The following KCNK5 variants were observed in gnomAD, a reference collection of about 807,000 sequenced individuals.
KCNK5 encodes the protein potassium channel subfamily K member 5.
KCNK5 carries 18 observed loss-of-function variants against 32.9 expected under a neutral mutation model. That is an observed-to-expected ratio of 0.55 (90% CI 0.38 to 0.81). The LOEUF is 0.81. KCNK5 is among the 30% of genes least tolerant of loss of function. The probability of loss-of-function intolerance (pLI) is 0.00; values close to 1 mark genes in which losing one functional copy is unlikely to be tolerated. For synonymous variants in KCNK5, 276 were observed against 275.3 expected, an observed-to-expected ratio of 1.00 and a Z score of -0.03; for missense variants, 507 against 651.0, an observed-to-expected ratio of 0.78 and a Z score of 2.41.
chr6:39,210,743 C>T (rs1269044692), intron 1 of KCNK5, among the ~76,000 whole-genome samples: 2 of 152,132 alleles, frequency 1.3e-5, no homozygotes, highest in African/African-American at 4.8e-5. Context: ...GAAAGAGGGA[C>T]ATGACAGCAG....
chr6:39,205,961 C>T (rs943483624), intron 1 of KCNK5, among the ~76,000 whole-genome samples: 4 of 152,222 alleles, frequency 2.6e-5, no homozygotes, highest in African/African-American at 9.6e-5. Context: ...ACCAAAACCC[C>T]ACATTCATCA....
chr6:39,202,911 C>T (rs1035606077), intron 1 of KCNK5, among the ~76,000 whole-genome samples: 3 of 152,204 alleles, frequency 2.0e-5, no homozygotes, highest in African/African-American at 7.2e-5. Context: ...AACTCAGCCT[C>T]TCAGCCTTAC....
chr6:39,200,962 C>T (rs2815105), intron 1 of KCNK5, among the ~76,000 whole-genome samples: 41,230 of 152,070 alleles, frequency 0.27, 5,873 homozygotes, highest in East Asian at 0.55. Flanking sequence ...TTCCCCTTTA[C>T]GGGGTGGGGT....
Position 39,189,264 on chromosome 6 carries a change from A to T in KCNK5, c.*1626T>A, listed in dbSNP as rs1770875695. 6.6e-6 allele frequency: 1 copy of T among 152,190 alleles called. No homozygotes were observed. The highest frequency in any genetic ancestry group is 2.4e-5 in the African/African-American group (1 of 41,456). The allele number at this position is 152,190 out of a possible 1,614,324, so 9.4% of individuals were successfully genotyped here. On this transcript the variant is annotated 3_prime_UTR_variant, in exon 5 of 5. Coordinates refer to ENST00000359534, the MANE Select transcript of KCNK5 (RefSeq NM_003740.4). ...CACAGTAGTGGGGCAGAAGGCAGAG[A>T]GTGAACGGAGCTGAGCGGCTCTGAT... is the stretch of plus-strand genomic sequence containing the variant.
At chr6:39,228,832 G>A in intron 1 of KCNK5, 94 bp downstream of exon 1, 4 of 1,263,070 alleles carry the variant, frequency 3.2e-6, no homozygotes, top group Non-Finnish European at 4.5e-6. Context: ...CAGGGACTGA[G>A]GGTCACCCAA....
chr6:39,198,708 G>C (rs1429176669), intron 1 of KCNK5, among the ~76,000 whole-genome samples: 1 of 152,172 alleles, frequency 6.6e-6, no homozygotes, highest in Non-Finnish European at 1.5e-5. Context: ...GAGGTAACAA[G>C]CCCACTGTTG....
intron 1 of KCNK5, among the ~76,000 whole-genome samples, chr6:39,199,800 G>A (rs116599781): frequency 0.017 from 2,663 of 152,300 alleles, 80 homozygotes; most frequent in African/African-American, 0.06. Flanking sequence ...GAGAAGCTGT[G>A]CTAGTGCTGC....
intron 1 of KCNK5, among the ~76,000 whole-genome samples, chr6:39,207,817 C>T (rs1395995675): frequency 6.6e-6 from 1 of 152,130 alleles, no homozygotes; most frequent in Non-Finnish European, 1.5e-5. Context: ...CTCCTGGACA[C>T]ATCTGCCTGC....
chr6:39,195,201 A>G (rs894490628), intron 2 of KCNK5, among the ~76,000 whole-genome samples: 4 of 152,204 alleles, frequency 2.6e-5, no homozygotes, highest in Non-Finnish European at 5.9e-5. Context: ...TGGCTTGACA[A>G]CAGAAGCAGT....
intron 1 of KCNK5, among the ~76,000 whole-genome samples, chr6:39,218,070 C>CTTTT (rs796153225): frequency 1.5e-5 from 2 of 130,376 alleles, no homozygotes; most frequent in African/African-American, 5.8e-5. Flanking sequence ...ACTTACAGGC[C>CTTTT]TTTTTTTTTT....
At chr6:39,216,263 C>T (rs10807202) in intron 1 of KCNK5, among the ~76,000 whole-genome samples, 32,337 of 151,968 alleles carry the variant, frequency 0.21, 3,598 homozygotes, top group Admixed American at 0.26. Context: ...CCAGCCTGGG[C>T]GACAGAGTGA....
rs1770875040 is a variant in KCNK5 at position 39,189,222 on chromosome 6, C to T, written c.*1668G>A. 6.6e-6 allele frequency: 1 copy of T among 152,194 alleles called. No homozygotes were observed. Among genetic ancestry groups the T allele is most frequent in the Non-Finnish European group, 1.5e-5 (1 of 68,046 alleles). 9.4% of individuals were successfully genotyped at this position (152,194 alleles called of 1,614,324 possible). On this transcript the variant is annotated 3_prime_UTR_variant, in exon 5 of 5. Coordinates refer to ENST00000359534, the MANE Select transcript of KCNK5 (RefSeq NM_003740.4). The stretch of plus-strand genomic sequence containing the variant: ...TGTCTTCACATGTTGGGGAGGTGGG[C>T]TCTGGCCCCACTGCCCCACAGTAGT...
At chr6:39,222,988 C>G (rs1771582639) in intron 1 of KCNK5, among the ~76,000 whole-genome samples, 4 of 152,168 alleles carry the variant, frequency 2.6e-5, no homozygotes, top group Admixed American at 2.6e-4. Context: ...CACTACTGAG[C>G]TGGGCTTTTA....
rs192468732 is a variant in KCNK5, at chr6:39,195,508, C to T, written c.298+368G>A. ...CAGAATGGTGAAAGAGAAGAAGCTG[C>T]GTTCTGAGCCAAACTTCTGGACTGG... On this transcript the variant is annotated intron_variant, in intron 2 of 4. Coordinates refer to ENST00000359534, the MANE Select transcript of KCNK5 (RefSeq NM_003740.4). 1.2e-4 allele frequency among the ~76,000 whole-genome samples: 19 copies of T among 152,330 alleles called. No homozygotes were observed. In the East Asian group the frequency reaches 2.3e-3, roughly 19 times the overall value.
chr6:39,204,279 G>A (rs1465841897), intron 1 of KCNK5, among the ~76,000 whole-genome samples: 6 of 152,202 alleles, frequency 3.9e-5, no homozygotes, highest in Non-Finnish European at 8.8e-5. Flanking sequence ...CTAGGACGTC[G>A]GCGCAGGGCC....
intron 1 of KCNK5, among the ~76,000 whole-genome samples, chr6:39,215,985 A>G (rs1771426362): frequency 1.3e-5 from 2 of 152,192 alleles, no homozygotes; most frequent in South Asian, 4.1e-4. Context: ...AAAATGTCAA[A>G]CAAAACTATA....
At chr6:39,200,905 A>G (rs917497402) in intron 1 of KCNK5, among the ~76,000 whole-genome samples, 1 of 152,142 alleles carries the variant, frequency 6.6e-6, no homozygotes, top group Non-Finnish European at 1.5e-5. Flanking sequence ...GGGCTTTGGG[A>G]CATGCCACCC....
chr6:39,214,133 C>T (rs1771389844), intron 1 of KCNK5, among the ~76,000 whole-genome samples: 1 of 152,200 alleles, frequency 6.6e-6, no homozygotes. Flanking sequence ...AAAAGAGAGG[C>T]TGTGCCAAAA....
At chr6:39,225,493 G>A (rs755110193) in intron 1 of KCNK5, among the ~76,000 whole-genome samples, 4 of 152,200 alleles carry the variant, frequency 2.6e-5, no homozygotes, top group Non-Finnish European at 5.9e-5. Flanking sequence ...GCAGAAGGTT[G>A]AGAAGGGCTG....
Sources: allele counts gnomAD v4.1 joint callset (sites outside exome capture counted in the v4.1 genomes callset), GRCh38; gene constraint gnomAD v4.1.1; transcripts MANE v1.5; gene names NCBI Gene and HGNC (gene_info 2026-07-23, HGNC 2026-07-21).